FBXO10: variants seen among roughly 807,000 people sequenced by gnomAD.
FBXO10 encodes F-box only protein 10.
In FBXO10, 39 loss-of-function variants were observed where a neutral mutation model predicts 80.7. The observed-to-expected ratio is 0.48, with a 90% confidence interval of 0.37 to 0.63. The LOEUF is 0.63. FBXO10 is among the 30% of genes least tolerant of loss of function. The pLI is 0.00. For synonymous variants in FBXO10, 449 were observed against 489.6 expected (o/e 0.92, Z 1.09); for missense variants, 1,025 against 1,269.0 (o/e 0.81, Z 2.92).
At chr9:37,540,994 A>G (rs1821897129) in intron 2 of FBXO10, among the ~76,000 whole-genome samples, 190 bp downstream of exon 2, 1 of 152,262 alleles carries the variant, frequency 6.6e-6, no homozygotes, top group South Asian at 2.1e-4. Flanking sequence ...TTTACCAAGA[A>G]TAAAGCAGAA....
intron 3 of FBXO10, among the ~76,000 whole-genome samples, chr9:37,535,760 G>A (rs527703032): frequency 6.6e-6 from 1 of 152,268 alleles, no homozygotes; most frequent in East Asian, 1.9e-4. Flanking sequence ...CCTTCTGTGG[G>A]GGAGCAAGGA....
At chr9:37,552,884 A>G (rs575259028) in intron 1 of FBXO10, among the ~76,000 whole-genome samples, 1 of 151,956 alleles carries the variant, frequency 6.6e-6, no homozygotes, top group Admixed American at 6.6e-5. Context: ...ATCCCCACAA[A>G]CCCTTCCATT....
intron 1 of FBXO10, among the ~76,000 whole-genome samples, chr9:37,574,931 T>A (rs987043735): frequency 7.2e-5 from 11 of 152,248 alleles, no homozygotes; most frequent in African/African-American, 2.4e-4. Context: ...AAATGCGGAA[T>A]GAGATTAGAA....
At chr9:37,515,824 A>G in intron 10 of FBXO10, 80 bp downstream of exon 10, 2 of 1,471,316 alleles carry the variant, frequency 1.4e-6, no homozygotes, top group Non-Finnish European at 1.9e-6. Context: ...GGCAGCCACA[A>G]TCCCTGGGTG....
At chr9:37,564,614 C>A (rs988349063) in intron 1 of FBXO10, among the ~76,000 whole-genome samples, 2 of 152,226 alleles carry the variant, frequency 1.3e-5, no homozygotes, top group Non-Finnish European at 2.9e-5. Flanking sequence ...GACATGCAGT[C>A]AAAGGAGATC....
intron 1 of FBXO10, among the ~76,000 whole-genome samples, chr9:37,558,375 C>A (rs922504989): frequency 6.6e-6 from 1 of 152,188 alleles, no homozygotes; most frequent in Non-Finnish European, 1.5e-5. Context: ...CTCATAAATG[C>A]ATCTCTGCTT....
At position 37,518,378 on chromosome 9, in the gene FBXO10, G is replaced by A. The variant is rs776126565; in HGVS notation, c.2261C>T (p.Ala754Val). ...CACAGTAATGCCTCTGTCCCCATTC[G>A]CGTGGATCACATTGGTGATGACATG... is the stretch of plus-strand genomic sequence containing the variant. ...ALHVITNVIH[A>V]NGDRGITVAQ... The change falls in exon 9 of 11, where the codon GCG (alanine) becomes GTG (valine). Residue 754 changes from alanine to valine, a missense_variant. By Grantham distance (64) the Ala-to-Val change is moderately conservative. Around this residue, in one of 3 missense-constraint regions of FBXO10, gnomAD observed 478 missense variants for 667.8 expected, o/e 0.72. Transcript: ENST00000432825. 51 of 1,613,752 alleles carry A rather than the reference G, an allele frequency of 3.2e-5. No individual in the cohort carries two copies. Among genetic ancestry groups the A allele is most frequent in the South Asian group, 4.4e-5 (4 of 91,050 alleles).
At chr9:37,571,815 A>G (rs562194163) in intron 1 of FBXO10, among the ~76,000 whole-genome samples, 1 of 148,626 alleles carries the variant, frequency 6.7e-6, no homozygotes, top group African/African-American at 2.5e-5. Flanking sequence ...CAGTTCACAA[A>G]AGAGGCAATC....
chr9:37,524,479 T>A (rs565973031), intron 6 of FBXO10, among the ~76,000 whole-genome samples: 1 of 152,344 alleles, frequency 6.6e-6, no homozygotes, highest in East Asian at 1.9e-4. Flanking sequence ...GGGGATTCCC[T>A]GGACCAGTAT....
At chr9:37,521,868 C>T (rs766757751) in intron 7 of FBXO10, 30 bp from the exon 8 acceptor site, 3 of 1,536,936 alleles carry the variant, frequency 2.0e-6, no homozygotes, top group Non-Finnish European at 2.6e-6. Flanking sequence ...TGGTCACCGA[C>T]ACTGAACTCA....
chr9:37,540,624 A>G (rs1291500391), intron 2 of FBXO10, among the ~76,000 whole-genome samples: 1 of 152,180 alleles, frequency 6.6e-6, no homozygotes, highest in Non-Finnish European at 1.5e-5. Flanking sequence ...ACTTTGAACC[A>G]TCTTCTGGCT....
At position 37,520,168 on chromosome 9, in the gene FBXO10, T is replaced by C. The variant is rs1411034254; in HGVS notation, c.2200+1401A>G. Among the ~76,000 whole-genome samples, 6 of 151,538 alleles carry C rather than the reference T, an allele frequency of 4.0e-5. No individual in the cohort carries two copies. In the East Asian group the frequency reaches 1.2e-3, roughly 29 times the overall value. ...TGTTCTGAATAAGCCTTCCTCCATT[T>C]CCCGACCCACCCATCCATCCTACCC... On this transcript the variant is annotated intron_variant, in intron 8 of 10. Coordinates refer to ENST00000432825, the MANE Select transcript of FBXO10 (RefSeq NM_012166.3).
rs771687280 is a variant in FBXO10 at position 37,537,875 on chromosome 9, C to T, written c.654G>A (p.Pro218=). Residue 218 remains proline, a synonymous_variant, in exon 3 of 11, where the codon CCG becomes CCA. Coordinates refer to ENST00000432825, the MANE Select transcript of FBXO10 (RefSeq NM_012166.3). ...FENGHIQVHG[P]GTCQVKFCTF... ...TACAGAACTTCACTTGGCAAGTACC[C>T]GGGCCATGGACCTGGATGTGCCCGT... 3.1e-5 allele frequency: 50 copies of T among 1,613,594 alleles called. No homozygotes were observed. The highest frequency in any genetic ancestry group is 2.9e-4 in the East Asian group (13 of 44,864).
At chr9:37,521,380 G>A (rs544425926) in intron 8 of FBXO10, among the ~76,000 whole-genome samples, 189 bp downstream of exon 8, 5 of 150,788 alleles carry the variant, frequency 3.3e-5, no homozygotes, top group East Asian at 1.9e-4. Context: ...CTGCCTGGCC[G>A]CTGTGCAACC....
intron 1 of FBXO10, among the ~76,000 whole-genome samples, chr9:37,564,281 A>C (rs1005380865): frequency 1.3e-5 from 2 of 152,276 alleles, no homozygotes; most frequent in South Asian, 4.1e-4. Context: ...CTGGATGTCC[A>C]GGAAGAAGTT....
intron 1 of FBXO10, among the ~76,000 whole-genome samples, chr9:37,571,220 A>G (rs564235848): frequency 1.3e-4 from 20 of 152,282 alleles, no homozygotes; most frequent in African/African-American, 4.6e-4. Flanking sequence ...AGAAGGGGAA[A>G]CTAAAATGGA....
chr9:37,543,849 G>A (rs1273548106), intron 1 of FBXO10, among the ~76,000 whole-genome samples: 1 of 152,220 alleles, frequency 6.6e-6, no homozygotes, highest in Non-Finnish European at 1.5e-5. Context: ...TAGGACTATG[G>A]CCGGACATGG....
intron 1 of FBXO10, among the ~76,000 whole-genome samples, chr9:37,563,633 G>C (rs964724042): frequency 6.6e-6 from 1 of 152,152 alleles, no homozygotes; most frequent in Non-Finnish European, 1.5e-5. Flanking sequence ...CCGGAGTAAA[G>C]GTAACTCTTG....
chr9:37,556,746 T>C (rs1038894910), intron 1 of FBXO10, among the ~76,000 whole-genome samples: 18 of 152,076 alleles, frequency 1.2e-4, no homozygotes, highest in East Asian at 9.6e-4. Flanking sequence ...GGTTTCACCA[T>C]GTTGGCCAGG....
Sources: gnomAD v4.1 joint callset for allele counts (sites outside exome capture counted in the v4.1 genomes callset) on GRCh38, gnomAD v4.1.1 for gene constraint, gnomAD v4.1.1 regional missense constraint, MANE v1.5 for transcripts, NCBI Gene and HGNC (gene_info 2026-07-23, HGNC 2026-07-21) for gene names.